The following ANKFN1 variants were observed in gnomAD, a reference collection of about 807,000 sequenced individuals.
ANKFN1 encodes the protein ankyrin repeat and fibronectin type III domain containing 1.
ANKFN1 carries 74 observed loss-of-function variants against 108.7 expected under a neutral mutation model. The ratio of observed to expected loss-of-function variants is 0.68; its 90% CI spans 0.56 to 0.83. ANKFN1 has a LOEUF of 0.83. ANKFN1 is among the 40% of genes least tolerant of loss of function. The pLI, the probability that ANKFN1 is intolerant of heterozygous loss-of-function variation, is 0.00. For synonymous variants in ANKFN1, 547 were observed against 516.2 expected, an observed-to-expected ratio of 1.06 and a Z score of -0.81; for missense variants, 1,505 against 1,382.3, an observed-to-expected ratio of 1.09 and a Z score of -1.41.
At chr17:56,476,604 A>G (rs1293519874) in intron 15 of ANKFN1, among the ~76,000 whole-genome samples, 1 of 152,238 alleles carries the variant, frequency 6.6e-6, no homozygotes, top group Non-Finnish European at 1.5e-5. Context: ...AGACCTAATC[A>G]AATAACATGC....
intron 4 of ANKFN1, among the ~76,000 whole-genome samples, chr17:56,105,123 C>T (rs1007645480): frequency 6.6e-6 from 1 of 152,134 alleles, no homozygotes; most frequent in African/African-American, 2.4e-5. Flanking sequence ...GTGAGAAGGT[C>T]TCACACAGGT....
chr17:56,087,030 G>C (rs1378100665), intron 4 of ANKFN1, among the ~76,000 whole-genome samples: 3 of 151,270 alleles, frequency 2.0e-5, no homozygotes, highest in African/African-American at 4.9e-5. Flanking sequence ...GTCTAAAATG[G>C]TACACAGGAA....
At chr17:56,333,142 A>G (rs930941057) in intron 4 of ANKFN1, among the ~76,000 whole-genome samples, 10 of 151,910 alleles carry the variant, frequency 6.6e-5, no homozygotes, top group Admixed American at 5.3e-4. Context: ...CTTTCTTTCC[A>G]ATATATATGT....
At chr17:56,081,214 A>G (rs1905241614) in intron 4 of ANKFN1, among the ~76,000 whole-genome samples, 2 of 152,212 alleles carry the variant, frequency 1.3e-5, no homozygotes, top group Non-Finnish European at 2.9e-5. Flanking sequence ...ACAGGAGTGA[A>G]AGTTTATTAA....
At chr17:56,332,172 A>G (rs942979779) in intron 4 of ANKFN1, among the ~76,000 whole-genome samples, 1 of 152,176 alleles carries the variant, frequency 6.6e-6, no homozygotes, top group South Asian at 2.1e-4. Flanking sequence ...CACAACAAGC[A>G]TGATGGAGAC....
intron 3 of ANKFN1, among the ~76,000 whole-genome samples, chr17:56,243,721 C>T (rs909877945): frequency 6.6e-6 from 1 of 152,086 alleles, no homozygotes; most frequent in South Asian, 2.1e-4. Flanking sequence ...CCCTGTTTAT[C>T]TCCTTAGTTT....
At chr17:56,423,524 C>A (rs1401068298) in intron 8 of ANKFN1, among the ~76,000 whole-genome samples, 1 of 152,186 alleles carries the variant, frequency 6.6e-6, no homozygotes, top group Non-Finnish European at 1.5e-5. Context: ...ACAAGGCCTT[C>A]CGCATATCAA....
chr17:56,140,674 A>G (rs904744281), intron 4 of ANKFN1, among the ~76,000 whole-genome samples: 1 of 152,206 alleles, frequency 6.6e-6, no homozygotes, highest in African/African-American at 2.4e-5. Context: ...TAATGCCTGC[A>G]TCATAGGATT....
chr17:56,074,484 G>A (rs972869763), intron 4 of ANKFN1, among the ~76,000 whole-genome samples: 3 of 152,194 alleles, frequency 2.0e-5, no homozygotes. Context: ...GTTTGAGTTG[G>A]AGAGAGTAAT....
intron 1 of ANKFN1, among the ~76,000 whole-genome samples, chr17:56,164,291 C>A (rs141407639): frequency 3.9e-5 from 6 of 152,294 alleles, no homozygotes; most frequent in African/African-American, 1.4e-4. Flanking sequence ...ATGCCAGATC[C>A]TCTGGGAATA....
In ANKFN1 at chr17:56,239,707, A is replaced by G. The variant is rs1481622959; in HGVS notation, c.53+11750A>G. ...ATTAGACATTTTCGCTCCTCTTTCCACTTGGGAAACCCACAAGGATTTCTA... is the reference window on the plus strand; with the variant it reads ...ATTAGACATTTTCGCTCCTCTTTCCGCTTGGGAAACCCACAAGGATTTCTA... On this transcript the variant is annotated intron_variant, in intron 3 of 20. Transcript: ENST00000682825. 2.6e-5 allele frequency among the ~76,000 whole-genome samples: 4 copies of G among 151,978 alleles called. No homozygotes were observed. In the East Asian group the frequency reaches 7.7e-4, roughly 29 times the overall value.
At chr17:56,354,754 T>C (rs2046331497) in intron 6 of ANKFN1, among the ~76,000 whole-genome samples, 1 of 152,170 alleles carries the variant, frequency 6.6e-6, no homozygotes, top group Admixed American at 6.6e-5. Context: ...TTTAAAAAAA[T>C]TCCACATGTA....
intron 3 of ANKFN1, among the ~76,000 whole-genome samples, chr17:56,309,581 C>G (rs1356563690): frequency 6.6e-6 from 1 of 151,974 alleles, no homozygotes; most frequent in Non-Finnish European, 1.5e-5. Flanking sequence ...GAAGAATTTT[C>G]TAAAATCTTT....
At chr17:56,279,925 G>A (rs562522311) in intron 3 of ANKFN1, among the ~76,000 whole-genome samples, 125 of 151,994 alleles carry the variant, frequency 8.2e-4, no homozygotes, top group Admixed American at 1.4e-3. Flanking sequence ...CTTTTAAAAG[G>A]AGAGCTTTTA....
chr17:56,116,045 T>C (rs894553811), intron 4 of ANKFN1, among the ~76,000 whole-genome samples: 1 of 152,188 alleles, frequency 6.6e-6, no homozygotes, highest in African/African-American at 2.4e-5. Context: ...TGGAAATCTT[T>C]CATAACTCAA....
chr17:56,164,158 C>T (rs1909938900), intron 1 of ANKFN1, among the ~76,000 whole-genome samples: 1 of 152,194 alleles, frequency 6.6e-6, no homozygotes, highest in East Asian at 1.9e-4. Flanking sequence ...CTCCACTCAC[C>T]TTGCTTTTCC....
chr17:56,286,656 T>C (rs1247118274), intron 3 of ANKFN1, among the ~76,000 whole-genome samples: 1 of 152,138 alleles, frequency 6.6e-6, no homozygotes, highest in African/African-American at 2.4e-5. Context: ...GTATCCTTTA[T>C]ATGACGTAGA....
chr17:56,288,998 C>T (rs186387048), intron 3 of ANKFN1, among the ~76,000 whole-genome samples: 111 of 152,252 alleles, frequency 7.3e-4, no homozygotes, highest in African/African-American at 2.6e-3. Flanking sequence ...GTGTGTGCAC[C>T]GACAACCACA....
chr17:56,089,894 C>A (rs1351769346), intron 4 of ANKFN1, among the ~76,000 whole-genome samples: 1 of 151,172 alleles, frequency 6.6e-6, no homozygotes, highest in Admixed American at 6.6e-5. Flanking sequence ...GTACTTGGCA[C>A]GTATTGGCTG....
Sources: gnomAD v4.1 joint callset for allele counts (sites outside exome capture counted in the v4.1 genomes callset) on GRCh38, gnomAD v4.1.1 for gene constraint, MANE v1.5 for transcripts, NCBI Gene and HGNC (gene_info 2026-07-23, HGNC 2026-07-21) for gene names.